Variants in KAZN observed in about 807,000 individuals in gnomAD.
KAZN encodes the protein kazrin.
KAZN carries 40 observed loss-of-function variants against 87.4 expected under a neutral mutation model. That is an observed-to-expected ratio of 0.46 (90% CI 0.36 to 0.60). The LOEUF is 0.60. Ranked by LOEUF, KAZN falls within the 20% of genes least tolerant of loss-of-function variation. The pLI, the probability that KAZN is intolerant of heterozygous loss-of-function variation, is 0.00. For missense variants in KAZN, 898 were observed against 1,073.9 expected (o/e 0.84, Z 2.29); for synonymous variants, 466 against 458.3 (o/e 1.02, Z -0.22).
rs1405972203 is a variant in KAZN, at chr1:14,955,611, G to A, written c.227-5073G>A. 4.7e-5 allele frequency among the ~76,000 whole-genome samples: 7 copies of A among 150,352 alleles called. No individual in the cohort carries two copies. The East Asian group carries it at 1.4e-3, about 29-fold the overall frequency. On this transcript the variant is annotated intron_variant, in intron 1 of 14. Coordinates refer to ENST00000376030, the MANE Select transcript of KAZN (RefSeq NM_201628.3). The stretch of plus-strand genomic sequence containing the variant: ...GCCGCACCTGGTGACCCGCCCTGGA[G>A]GCTCCCATCAACTTACTCACAGCCT...
chr1:14,850,169 C>T (rs373458152), intron 1 of KAZN, among the ~76,000 whole-genome samples: 41 of 152,188 alleles, frequency 2.7e-4, no homozygotes, highest in African/African-American at 8.7e-4. Context: ...CTCTTGACCT[C>T]GTGATCCGCC....
chr1:15,003,692 C>T (rs542179566), intron 2 of KAZN, among the ~76,000 whole-genome samples: 460 of 152,162 alleles, frequency 3.0e-3, no homozygotes, highest in Non-Finnish European at 5.3e-3. Flanking sequence ...GGGTGGGGGA[C>T]GGGCATTGCC....
chr1:14,490,050 T>A (rs187069924), intron 2 of KAZN, among the ~76,000 whole-genome samples: 1 of 152,174 alleles, frequency 6.6e-6, no homozygotes, highest in South Asian at 2.1e-4. Context: ...ACCAACAGCC[T>A]GAAGAGGAAG....
intron 2 of KAZN, among the ~76,000 whole-genome samples, chr1:15,016,919 ATAATTGCATT>A (rs2102129402): frequency 6.6e-6 from 1 of 152,190 alleles, no homozygotes; most frequent in South Asian, 2.1e-4. Flanking sequence ...GTGTATTTAA[ATAATTGCATT>A]TAAATAATAA....
intron 1 of KAZN, among the ~76,000 whole-genome samples, chr1:14,881,203 C>T (rs184940512): frequency 3.9e-5 from 6 of 152,268 alleles, no homozygotes; most frequent in South Asian, 2.1e-4. Flanking sequence ...GCTGAACACC[C>T]CTGAAAGTAA....
chr1:14,585,691 A>G (rs1339875277), intron 2 of KAZN, among the ~76,000 whole-genome samples: 10 of 152,202 alleles, frequency 6.6e-5, no homozygotes, highest in Non-Finnish European at 1.0e-4. Context: ...TAGATGGGTA[A>G]TACTATGAAT....
chr1:14,238,202 G>C (rs1648602704), intron 2 of KAZN, among the ~76,000 whole-genome samples: 1 of 152,174 alleles, frequency 6.6e-6, no homozygotes. Context: ...GATAATCTAG[G>C]TAAGCAGTAG....
At chr1:14,103,639 C>A (rs1334082245) in intron 1 of KAZN, among the ~76,000 whole-genome samples, 2 of 152,140 alleles carry the variant, frequency 1.3e-5, no homozygotes, top group African/African-American at 4.8e-5. Context: ...TTGCGCCTTT[C>A]CAGCCTTCTC....
At chr1:14,544,047 C>A (rs1279547414) in intron 2 of KAZN, among the ~76,000 whole-genome samples, 2 of 152,054 alleles carry the variant, frequency 1.3e-5, no homozygotes, top group Non-Finnish European at 2.9e-5. Context: ...ATATTTTTTC[C>A]AACCAATTTT....
At chr1:14,623,322 C>T (rs1678860543) in intron 1 of KAZN, among the ~76,000 whole-genome samples, 1 of 152,188 alleles carries the variant, frequency 6.6e-6, no homozygotes, top group Admixed American at 6.5e-5. Context: ...TTTGCAGCCA[C>T]ATAGATGGAA....
At position 14,092,603 on chromosome 1, in the gene KAZN, A is replaced by ATATATACATATGTATGTACATACACACC. The variant is rs1557469284; in HGVS notation, c.92-87831_92-87804dup. Among the ~76,000 whole-genome samples the ATATATACATATGTATGTACATACACACC allele has an allele frequency of 4.0e-3, 613 of 152,018 alleles. 4 individuals are homozygous for ATATATACATATGTATGTACATACACACC. The highest frequency in any genetic ancestry group is 0.014 in the African/African-American group (584 of 41,452). On this transcript the variant is annotated intron_variant, in intron 1 of 16. Transcript: ENST00000636203. ...TGTACATATATGTACATATACACAC[A>ATATATACATATGTATGTACATACACACC]TATATACATATGTATGTACATACAC...
At chr1:14,534,419 C>T (rs1286950994) in intron 2 of KAZN, among the ~76,000 whole-genome samples, 1 of 152,080 alleles carries the variant, frequency 6.6e-6, no homozygotes, top group Non-Finnish European at 1.5e-5. Context: ...CCGAGGCAGG[C>T]AGATCGCCTG....
At chr1:14,995,930 C>T (rs1191389763) in intron 2 of KAZN, among the ~76,000 whole-genome samples, 1 of 152,144 alleles carries the variant, frequency 6.6e-6, no homozygotes, top group Non-Finnish European at 1.5e-5. Flanking sequence ...GAAACTTTTA[C>T]AGTGTGGATT....
At chr1:14,771,780 C>T (rs907768555) in intron 1 of KAZN, among the ~76,000 whole-genome samples, 1 of 152,010 alleles carries the variant, frequency 6.6e-6, no homozygotes, top group Non-Finnish European at 1.5e-5. Context: ...GAGCCAAGAC[C>T]GTGCCATTGC....
At chr1:14,992,633 TTTA>T (rs1667461648) in intron 2 of KAZN, among the ~76,000 whole-genome samples, 1 of 152,086 alleles carries the variant, frequency 6.6e-6, no homozygotes, top group Non-Finnish European at 1.5e-5. Flanking sequence ...TCTGGGAGCC[TTTA>T]TTGTTTTTTT....
intron 1 of KAZN, among the ~76,000 whole-genome samples, chr1:14,663,734 C>A (rs1043699652): frequency 2.6e-5 from 4 of 152,230 alleles, no homozygotes; most frequent in African/African-American, 4.8e-5. Context: ...GAAAATGATG[C>A]AGTTGTTACC....
chr1:14,668,657 G>A (rs1441970656), intron 1 of KAZN, among the ~76,000 whole-genome samples: 1 of 151,990 alleles, frequency 6.6e-6, no homozygotes, highest in Non-Finnish European at 1.5e-5. Flanking sequence ...TCCCCTCCCT[G>A]CTAGGATGTT....
intron 1 of KAZN, among the ~76,000 whole-genome samples, chr1:14,759,078 G>T (rs967720725): frequency 1.4e-4 from 22 of 152,246 alleles, no homozygotes; most frequent in African/African-American, 5.1e-4. Flanking sequence ...AGGGAGGGAG[G>T]ATTCTCTTGG....
In KAZN at chr1:14,022,485, C is replaced by CAAAAAAAAAA. The variant is rs58713618; in HGVS notation, c.91+128749_91+128758dup. On this transcript the variant is annotated intron_variant, in intron 1 of 16. Transcript: ENST00000636203. Reference sequence around the variant, plus strand: ...CATTATAGCTTTCACGTATTTAAAGCAAAAAAAAAAAAAAAAAAAAAAAAA... The same window carrying CAAAAAAAAAA: ...CATTATAGCTTTCACGTATTTAAAGCAAAAAAAAAAAAAAAAAAAAAAAAAAAAAAAAAAA... Among the ~76,000 whole-genome samples the CAAAAAAAAAA allele has an allele frequency of 1.7e-4, 19 of 110,488 alleles. 1 individual carries two copies. The highest frequency in any genetic ancestry group is 3.6e-4 in the East Asian group (1 of 2,766). The allele number at this position is 110,488 out of a possible 152,430, so 72.5% of individuals were successfully genotyped here. A position where few individuals can be genotyped will look rare whatever the true frequency, so the allele number is the denominator to read the frequency against.
Sources: allele counts gnomAD v4.1 joint callset (sites outside exome capture counted in the v4.1 genomes callset), GRCh38; gene constraint gnomAD v4.1.1; transcripts MANE v1.5; gene names NCBI Gene and HGNC (gene_info 2026-07-23, HGNC 2026-07-21).